The following PLCB4 variants were observed in gnomAD, a reference collection of about 807,000 sequenced individuals.
PLCB4 encodes the protein phospholipase C beta 4.
PLCB4 carries 77 observed loss-of-function variants against 178.8 expected under a neutral mutation model. The observed-to-expected ratio is 0.43, with a 90% confidence interval of 0.36 to 0.52. PLCB4 has a LOEUF of 0.52. PLCB4 is among the 20% of genes least tolerant of loss of function. The pLI is 0.00. For synonymous variants in PLCB4, 496 were observed against 490.8 expected (o/e 1.01, Z -0.14); for missense variants, 1,024 against 1,453.4 (o/e 0.70, Z 4.80).
Position 9,419,808 on chromosome 20 carries a change from T to C in PLCB4, c.2053T>C (p.Tyr685His). 6.2e-7 allele frequency: 1 copy of C among 1,604,974 alleles called. No homozygotes were observed. The highest frequency in any genetic ancestry group is 8.5e-7 in the Non-Finnish European group (1 of 1,171,642). The change falls in exon 26 of 40, where the codon TAC becomes CAC. Residue 685 changes from tyrosine (Y) to histidine (H), a missense_variant and splice_region_variant. Transcript: ENST00000378473. The part of the protein sequence containing the change: ...GKFEYNGSCG[Y>H]LLKPDFMRRP... ...ACTTCTATGCTATTGTCCTACCAGGTACCTTCTCAAACCAGATTTCATGAG... is the reference window on the plus strand; with the variant it reads ...ACTTCTATGCTATTGTCCTACCAGGCACCTTCTCAAACCAGATTTCATGAG...
chr20:9,193,535 T>A (rs551082622), intron 2 of PLCB4, among the ~76,000 whole-genome samples: 93 of 152,290 alleles, frequency 6.1e-4, no homozygotes, highest in Middle Eastern at 6.8e-3. Context: ...GAAAGCTGTA[T>A]GTGAATATTA....
chr20:9,332,180 A>G (rs2031774809), intron 4 of PLCB4, among the ~76,000 whole-genome samples: 1 of 152,208 alleles, frequency 6.6e-6, no homozygotes, highest in South Asian at 2.1e-4. Flanking sequence ...GAAACATTCC[A>G]GCTTTCTTTT....
intron 2 of PLCB4, among the ~76,000 whole-genome samples, chr20:9,197,125 A>G (rs1699250650): frequency 6.6e-6 from 1 of 152,210 alleles, no homozygotes; most frequent in Non-Finnish European, 1.5e-5. Flanking sequence ...AATTCTTGTA[A>G]TAACCAGAAC....
chr20:9,163,080 C>T (rs920494099), intron 2 of PLCB4, among the ~76,000 whole-genome samples: 37 of 152,250 alleles, frequency 2.4e-4, no homozygotes, highest in African/African-American at 7.9e-4. Context: ...GAAGCTGGCT[C>T]AGCCACTGAT....
In PLCB4 at chr20:9,246,471, A is replaced by T. The variant is rs146699620; in HGVS notation, c.-16+29019A>T. ...AAAACACAGTTCAAGTTAGCTAAAA[A>T]CTTTCAAAGTTTGCTTTCAAATATT... On this transcript the variant is annotated intron_variant, in intron 3 of 39. Transcript: ENST00000378473. 5.9e-5 allele frequency among the ~76,000 whole-genome samples: 9 copies of T among 152,290 alleles called. No individual in the cohort carries two copies. In the East Asian group the frequency reaches 1.5e-3, roughly 26 times the overall value.
In PLCB4 at chr20:9,233,183, T is replaced by A. The variant is rs554391650; in HGVS notation, c.-16+15731T>A. Among the ~76,000 whole-genome samples, 163 of 152,302 alleles carry A rather than the reference T, an allele frequency of 1.1e-3. 2 individuals carry two copies. Among genetic ancestry groups the A allele is most frequent in the African/African-American group, 3.5e-3 (144 of 41,582 alleles). The stretch of plus-strand genomic sequence containing the variant: ...CCAAAAATGAGTTTCAGATTTCATC[T>A]TCTAAATGTTTTAATGTTAAATGAT... On this transcript the variant is annotated intron_variant, in intron 3 of 39. Coordinates refer to ENST00000378473, the MANE Select transcript of PLCB4 (RefSeq NM_001377142.1).
intron 1 of PLCB4, among the ~76,000 whole-genome samples, chr20:9,085,084 T>C (rs1416615930): frequency 1.3e-5 from 2 of 152,050 alleles, no homozygotes; most frequent in African/African-American, 4.8e-5. Flanking sequence ...TATTACTTTT[T>C]CTTTTTCCAA....
intron 3 of PLCB4, among the ~76,000 whole-genome samples, chr20:9,263,799 T>G (rs1346572433): frequency 2.0e-5 from 3 of 152,202 alleles, no homozygotes; most frequent in Non-Finnish European, 4.4e-5. Context: ...GAAAGATAGT[T>G]TTTGTGTCCA....
intron 3 of PLCB4, among the ~76,000 whole-genome samples, chr20:9,255,590 G>T (rs1048371441): frequency 6.6e-6 from 1 of 150,854 alleles, no homozygotes; most frequent in East Asian, 1.9e-4. Context: ...CCAACAGATG[G>T]TAATATATAA....
intron 3 of PLCB4, among the ~76,000 whole-genome samples, chr20:9,290,768 G>A (rs771023934): frequency 7.9e-5 from 12 of 152,102 alleles, no homozygotes. Context: ...ATGTATTTCA[G>A]GAAGGATATA....
At chr20:9,309,400 T>C (rs532902293) in intron 4 of PLCB4, among the ~76,000 whole-genome samples, 4 of 152,306 alleles carry the variant, frequency 2.6e-5, no homozygotes, top group African/African-American at 4.8e-5. Context: ...CCTTGACCCA[T>C]TGAATGAATA....
chr20:9,272,774 G>A (rs1303451112), intron 3 of PLCB4, among the ~76,000 whole-genome samples: 1 of 151,998 alleles, frequency 6.6e-6, no homozygotes, highest in Non-Finnish European at 1.5e-5. Flanking sequence ...ATGTTCTTGG[G>A]TGATATCAGA....
intron 7 of PLCB4, among the ~76,000 whole-genome samples, chr20:9,349,022 C>T (rs1361716899): frequency 1.4e-5 from 2 of 148,126 alleles, no homozygotes; most frequent in African/African-American, 5.0e-5. Flanking sequence ...GATGTAGTTG[C>T]ATGACATTCT....
chr20:9,440,519 T>G, intron 30 of PLCB4, among the ~76,000 whole-genome samples: 1 of 152,172 alleles, frequency 6.6e-6, no homozygotes, highest in African/African-American at 2.4e-5. Context: ...TGAACCACTG[T>G]AAGTTGAACC....
chr20:9,212,778 G>A (rs887949858), intron 2 of PLCB4, among the ~76,000 whole-genome samples: 1 of 152,076 alleles, frequency 6.6e-6, no homozygotes, highest in African/African-American at 2.4e-5. Flanking sequence ...GAATGTGAGT[G>A]TTTTCTCATT....
chr20:9,402,326 G>A (rs1253710098), intron 20 of PLCB4, among the ~76,000 whole-genome samples: 1 of 152,218 alleles, frequency 6.6e-6, no homozygotes. Context: ...CACAGAGGTT[G>A]ATGAATCACT....
chr20:9,131,140 C>G (rs566329503), intron 2 of PLCB4, among the ~76,000 whole-genome samples: 1 of 152,162 alleles, frequency 6.6e-6, no homozygotes, highest in South Asian at 2.1e-4. Flanking sequence ...CTGAAGATAC[C>G]TGAGAATGAT....
intron 2 of PLCB4, among the ~76,000 whole-genome samples, chr20:9,137,464 T>C (rs2146850052): frequency 6.6e-6 from 1 of 152,230 alleles, no homozygotes; most frequent in Admixed American, 6.5e-5. Context: ...TAGGTTGTAA[T>C]TGGTAATCTG....
At chr20:9,260,611 A>G (rs188134972) in intron 3 of PLCB4, among the ~76,000 whole-genome samples, 186 of 152,294 alleles carry the variant, frequency 1.2e-3, no homozygotes, top group African/African-American at 4.3e-3. Flanking sequence ...ACATTGATGT[A>G]TACATTTACT....
Sources: gnomAD v4.1 joint callset for allele counts (sites outside exome capture counted in the v4.1 genomes callset) on GRCh38, gnomAD v4.1.1 for gene constraint, MANE v1.5 for transcripts, NCBI Gene and HGNC (gene_info 2026-07-23, HGNC 2026-07-21) for gene names.